Variants in KCNN2 observed in about 807,000 individuals in gnomAD.
The protein encoded by KCNN2 is potassium calcium-activated channel subfamily N member 2.
Under a neutral mutation model 55.5 loss-of-function variants are expected in KCNN2, and 24 were observed. The observed-to-expected ratio is 0.43, with a 90% CI of 0.31 to 0.61. KCNN2 has a LOEUF of 0.61. Ranked by LOEUF, KCNN2 falls within the 20% of genes least tolerant of loss-of-function variation. The probability of loss-of-function intolerance (pLI) is 0.08; values close to 1 mark genes in which losing one functional copy is unlikely to be tolerated. For synonymous variants in KCNN2, 431 were observed against 336.1 expected (o/e 1.28, Z -3.09); for missense variants, 754 against 853.6 (o/e 0.88, Z 1.45).
chr5:114,377,025 A>T (rs1433808832), intron 2 of KCNN2, among the ~76,000 whole-genome samples: 1 of 152,178 alleles, frequency 6.6e-6, no homozygotes, highest in African/African-American at 2.4e-5. Context: ...GACTGCAGTG[A>T]ATTATGATTG....
intron 1 of KCNN2, among the ~76,000 whole-genome samples, chr5:114,171,029 A>G (rs1753022295): frequency 6.6e-6 from 1 of 152,020 alleles, no homozygotes; most frequent in South Asian, 2.1e-4. Context: ...CAGCTTTAAC[A>G]ATTGAATAGG....
chr5:114,165,824 G>A (rs529583210), intron 1 of KCNN2, among the ~76,000 whole-genome samples: 1 of 152,166 alleles, frequency 6.6e-6, no homozygotes, highest in East Asian at 1.9e-4. Flanking sequence ...TCAACAGTAG[G>A]CGATTAGTAG....
At chr5:114,235,517 T>C (rs1344444390) in intron 2 of KCNN2, among the ~76,000 whole-genome samples, 1 of 152,242 alleles carries the variant, frequency 6.6e-6, no homozygotes, top group Non-Finnish European at 1.5e-5. Context: ...CTGTATAGTT[T>C]ATACATTGGA....
chr5:114,147,858 A>G (rs976634731), intron 1 of KCNN2, among the ~76,000 whole-genome samples: 15 of 152,334 alleles, frequency 9.8e-5, no homozygotes, highest in Middle Eastern at 3.4e-3. Flanking sequence ...TCCTAAGTAC[A>G]GAAAAGGAGT....
chr5:114,119,549 G>A (rs532843610), intron 1 of KCNN2, among the ~76,000 whole-genome samples: 2 of 152,110 alleles, frequency 1.3e-5, no homozygotes, highest in East Asian at 3.9e-4. Flanking sequence ...TGCTCATATC[G>A]CAGGCCCCTT....
At chr5:114,307,909 C>G (rs1287614488) in intron 2 of KCNN2, among the ~76,000 whole-genome samples, 1 of 151,980 alleles carries the variant, frequency 6.6e-6, no homozygotes, top group African/African-American at 2.4e-5. Flanking sequence ...CCTTATACTT[C>G]CTATTCAGCT....
At chr5:114,097,584 C>G (rs533493126) in intron 1 of KCNN2, among the ~76,000 whole-genome samples, 1 of 152,292 alleles carries the variant, frequency 6.6e-6, no homozygotes, top group East Asian at 1.9e-4. Flanking sequence ...CCTGCCCAGT[C>G]CTGCCGCTAT....
At chr5:114,070,731 G>GCC (rs1371316908) in intron 1 of KCNN2, among the ~76,000 whole-genome samples, 13 of 152,208 alleles carry the variant, frequency 8.5e-5, no homozygotes, top group Non-Finnish European at 1.6e-4. Context: ...TAATTAAAAG[G>GCC]GAGTGTGGTA....
intron 2 of KCNN2, among the ~76,000 whole-genome samples, chr5:114,399,248 A>G (rs1015113033): frequency 5.9e-5 from 9 of 152,208 alleles, no homozygotes; most frequent in African/African-American, 2.2e-4. Flanking sequence ...GGGTTTTAAC[A>G]TGATGGCCTG....
intron 3 of KCNN2, among the ~76,000 whole-genome samples, chr5:114,409,100 G>T (rs1169616078): frequency 6.6e-6 from 1 of 152,152 alleles, no homozygotes; most frequent in Non-Finnish European, 1.5e-5. Context: ...GGGGCTGAGT[G>T]ACCTCAGGCC....
intron 1 of KCNN2, among the ~76,000 whole-genome samples, chr5:114,183,637 A>G (rs1753277945): frequency 6.6e-6 from 1 of 152,024 alleles, no homozygotes; most frequent in African/African-American, 2.4e-5. Flanking sequence ...AAAATTATTC[A>G]TAATATACTC....
chr5:114,072,994 A>G (rs1750607910), intron 1 of KCNN2, among the ~76,000 whole-genome samples: 2 of 152,154 alleles, frequency 1.3e-5, no homozygotes, highest in Non-Finnish European at 2.9e-5. Context: ...ACTGTGGATT[A>G]CTCTAAGTGA....
intron 1 of KCNN2, among the ~76,000 whole-genome samples, chr5:114,078,318 A>G (rs914358703): frequency 2.0e-5 from 3 of 152,236 alleles, no homozygotes; most frequent in African/African-American, 7.2e-5. Context: ...ATTGAGAATG[A>G]GAGGCTGTCT....
chr5:114,061,490 C>T (rs1022319660), intron 1 of KCNN2, among the ~76,000 whole-genome samples: 6 of 151,986 alleles, frequency 3.9e-5, no homozygotes, highest in South Asian at 2.1e-4. Flanking sequence ...GCCTCTATAA[C>T]GAAGGCAAAA....
intron 3 of KCNN2, among the ~76,000 whole-genome samples, chr5:114,459,582 A>G (rs1317794350): frequency 1.3e-5 from 2 of 152,168 alleles, no homozygotes; most frequent in Non-Finnish European, 2.9e-5. Flanking sequence ...GGATTATTCT[A>G]ATAGTATCTA....
At chr5:114,388,227 A>T (rs1244022162) in intron 2 of KCNN2, among the ~76,000 whole-genome samples, 2 of 152,024 alleles carry the variant, frequency 1.3e-5, no homozygotes, top group Non-Finnish European at 2.9e-5. Context: ...TAATGTTTTC[A>T]CTGCTTCTAT....
intron 1 of KCNN2, among the ~76,000 whole-genome samples, chr5:114,135,902 A>C (rs1752164911): frequency 1.3e-5 from 2 of 152,200 alleles, no homozygotes. Flanking sequence ...GGAAAATTGG[A>C]GATAAAAGAA....
chr5:114,099,695 T>C (rs1163926633), intron 1 of KCNN2, among the ~76,000 whole-genome samples: 1 of 152,100 alleles, frequency 6.6e-6, no homozygotes, highest in Non-Finnish European at 1.5e-5. Context: ...CTATTTATGA[T>C]TTTGTTCTTG....
intron 5 of KCNN2, chr5:114,486,774 A>AGTT (rs1327268812): frequency 3.8e-6 from 5 of 1,315,378 alleles, no homozygotes; most frequent in Non-Finnish European, 4.0e-6. Flanking sequence ...AAAAAAAAAT[A>AGTT]GTTGAATAAA....
Sources: gnomAD v4.1 joint callset for allele counts (sites outside exome capture counted in the v4.1 genomes callset) on GRCh38, gnomAD v4.1.1 for gene constraint, MANE v1.5 for transcripts, NCBI Gene and HGNC (gene_info 2026-07-23, HGNC 2026-07-21) for gene names.